Variants in SLC25A48 observed in about 807,000 individuals in gnomAD.
The protein encoded by SLC25A48 is CTC-321K16.1.
Under a neutral mutation model 32.2 loss-of-function variants are expected in SLC25A48, and 29 were observed. The observed-to-expected ratio is 0.90, with a 90% CI of 0.67 to 1.23. The LOEUF (loss-of-function observed/expected upper bound fraction) is 1.23. SLC25A48 is among the 50% of genes most tolerant of loss of function. SLC25A48 has a pLI of 0.00. For missense variants in SLC25A48, 399 were observed against 422.7 expected, an observed-to-expected ratio of 0.94 and a Z score of 0.49; for synonymous variants, 164 against 172.3, an observed-to-expected ratio of 0.95 and a Z score of 0.38.
At chr5:135,844,011 T>C (rs144334390) in intron 2 of SLC25A48, among the ~76,000 whole-genome samples, 16 of 152,260 alleles carry the variant, frequency 1.1e-4, no homozygotes, top group Middle Eastern at 3.4e-3. Context: ...TGCCCAGAGT[T>C]AGGGCCCATG....
intron 1 of SLC25A48, among the ~76,000 whole-genome samples, chr5:135,616,095 C>G (rs529676305): frequency 2.0e-4 from 31 of 152,314 alleles, no homozygotes; most frequent in African/African-American, 7.5e-4. Context: ...ATGGAAAAGC[C>G]TAAATGTCCA....
At chr5:135,650,972 ATGCCAGTTATCAATATAT>A (rs1482386122) in intron 3 of SLC25A48, among the ~76,000 whole-genome samples, 20 of 152,144 alleles carry the variant, frequency 1.3e-4, no homozygotes, top group African/African-American at 4.8e-4. Context: ...CCCTACATCC[ATGCCAGTTATCAATATAT>A]TGCCTTTCAG....
At chr5:135,844,312 G>A (rs1332488353) in intron 2 of SLC25A48, among the ~76,000 whole-genome samples, 3 of 152,176 alleles carry the variant, frequency 2.0e-5, no homozygotes, top group Non-Finnish European at 2.9e-5. Context: ...CTGGGCCTTG[G>A]GGAGACTTGG....
At chr5:135,878,788 A>G (rs1228344376) in intron 6 of SLC25A48, among the ~76,000 whole-genome samples, 1 of 152,198 alleles carries the variant, frequency 6.6e-6, no homozygotes, top group African/African-American at 2.4e-5. Context: ...TGTGCCTGAC[A>G]GTTCTCAAGT....
At chr5:135,738,606 G>C (rs893614936) in intron 3 of SLC25A48, among the ~76,000 whole-genome samples, 1 of 152,204 alleles carries the variant, frequency 6.6e-6, no homozygotes, top group Non-Finnish European at 1.5e-5. Context: ...AGTTGCTTCT[G>C]CTCTCTAAGC....
At chr5:135,841,054 A>G (rs1170133835) in intron 1 of SLC25A48, among the ~76,000 whole-genome samples, 1 of 152,182 alleles carries the variant, frequency 6.6e-6, no homozygotes, top group Non-Finnish European at 1.5e-5. Context: ...AAGAGTTCCA[A>G]TTTCTCTACA....
At chr5:135,845,850 G>C (rs1394367120) in intron 2 of SLC25A48, among the ~76,000 whole-genome samples, 1 of 152,224 alleles carries the variant, frequency 6.6e-6, no homozygotes, top group African/African-American at 2.4e-5. Flanking sequence ...CAGGTGAAAG[G>C]CTTATTCCTG....
chr5:135,820,685 G>GC (rs1561508789), intron 4 of SLC25A48, among the ~76,000 whole-genome samples: 1 of 152,146 alleles, frequency 6.6e-6, no homozygotes. Flanking sequence ...TGTCTATTTT[G>GC]GTATTTCAAA....
At chr5:135,748,722 A>AT (rs1160434929) in intron 3 of SLC25A48, among the ~76,000 whole-genome samples, 11,548 of 134,994 alleles carry the variant, frequency 0.086, 1,228 homozygotes, top group African/African-American at 0.25. Flanking sequence ...AGACAGGTAA[A>AT]TTTTTTTTTT....
chr5:135,830,430 A>G (rs1758174652), upstream of SLC25A48, among the ~76,000 whole-genome samples: 1 of 152,190 alleles, frequency 6.6e-6, no homozygotes, highest in African/African-American at 2.4e-5. Flanking sequence ...AGATGCCCAG[A>G]GAGGCAGCAG....
At chr5:135,754,910 C>T (rs1483283408) in intron 3 of SLC25A48, among the ~76,000 whole-genome samples, 2 of 151,648 alleles carry the variant, frequency 1.3e-5, no homozygotes, top group African/African-American at 4.8e-5. Flanking sequence ...ATTGGTCTGA[C>T]ATTTATAATA....
chr5:135,654,052 G>C (rs550081800), intron 3 of SLC25A48: 2 of 382,278 alleles, frequency 5.2e-6, no homozygotes, highest in African/African-American at 4.2e-5. Flanking sequence ...GCCTGCTTAT[G>C]TAACAGCCAC....
At chr5:135,721,571 C>T (rs186190748) in intron 3 of SLC25A48, among the ~76,000 whole-genome samples, 1 of 152,274 alleles carries the variant, frequency 6.6e-6, no homozygotes, top group East Asian at 1.9e-4. Flanking sequence ...ATGTAAGATT[C>T]ATTTCCAAAG....
intron 4 of SLC25A48, among the ~76,000 whole-genome samples, chr5:135,823,825 T>G (rs1424978180): frequency 6.6e-6 from 1 of 152,192 alleles, no homozygotes; most frequent in Non-Finnish European, 1.5e-5. Context: ...GAAGAGACTC[T>G]GGGCAGAAGC....
At chr5:135,600,792 C>T (rs577532786) in intron 1 of SLC25A48, among the ~76,000 whole-genome samples, 1 of 152,058 alleles carries the variant, frequency 6.6e-6, no homozygotes, top group Non-Finnish European at 1.5e-5. Context: ...AAGCAATTCT[C>T]CTGCCTCAGC....
intron 3 of SLC25A48, among the ~76,000 whole-genome samples, chr5:135,717,429 G>A (rs534120964): frequency 6.6e-6 from 1 of 152,312 alleles, no homozygotes; most frequent in Non-Finnish European, 1.5e-5. Flanking sequence ...GGGCAATGTG[G>A]TGGACCGAAT....
chr5:135,764,734 A>G lies in SLC25A48; in HGVS notation c.-520-47789A>G, dbSNP rs1756161389. On this transcript the variant is annotated intron_variant, in intron 3 of 10. Coordinates refer to the SLC25A48 transcript ENST00000646290. ...GGGGGAGAGTGATTTTTGTCTCCAT[A>G]TCACGGGGGGTGCACACCCCACCTG... is the stretch of plus-strand genomic sequence containing the variant. Among the ~76,000 whole-genome samples, 5 of 146,398 alleles carry G rather than the reference A, an allele frequency of 3.4e-5. No individual in the cohort carries two copies. In the South Asian group the frequency reaches 1.1e-3, roughly 32 times the overall value.
At chr5:135,726,750 C>A (rs1323703670) in intron 3 of SLC25A48, among the ~76,000 whole-genome samples, 1 of 152,204 alleles carries the variant, frequency 6.6e-6, no homozygotes, top group African/African-American at 2.4e-5. Context: ...CAGTTTTTGG[C>A]TACTATGAAT....
rs562337511 is a variant in SLC25A48, at chr5:135,828,915, C to A, written c.-116-13501C>A. Among the ~76,000 whole-genome samples the A allele has an allele frequency of 3.7e-4, 56 of 152,352 alleles. No homozygotes were observed. The South Asian group carries it at 7.7e-3, about 21-fold the overall frequency. ...CACCTGGCACTACTCAGGCAGTTCC[C>A]TCTGCCTCTGCACACTTCTCCACTG... On this transcript the variant is annotated intron_variant, in intron 4 of 10. Transcript: ENST00000646290.
Sources: gnomAD v4.1 joint callset for allele counts (sites outside exome capture counted in the v4.1 genomes callset) on GRCh38, gnomAD v4.1.1 for gene constraint, MANE v1.5 for transcripts, NCBI Gene and HGNC (gene_info 2026-07-23, HGNC 2026-07-21) for gene names.